Variants in TNFSF12 observed in about 807,000 individuals in gnomAD.
The protein encoded by TNFSF12 is TNF superfamily member 12.
Under a neutral mutation model 31.2 loss-of-function variants are expected in TNFSF12, and 16 were observed. The ratio of observed to expected loss-of-function variants is 0.51; its 90% CI spans 0.35 to 0.78. TNFSF12 has a LOEUF of 0.78. Among genes scored for constraint, TNFSF12 ranks in the 30% least tolerant of loss-of-function variants. The probability of loss-of-function intolerance (pLI) is 0.01; values close to 1 mark genes in which losing one functional copy is unlikely to be tolerated. For synonymous variants in TNFSF12, 150 were observed against 151.4 expected, an observed-to-expected ratio of 0.99 and a Z score of 0.07; for missense variants, 324 against 338.8, an observed-to-expected ratio of 0.96 and a Z score of 0.34.
intron 5 of TNFSF12, chr17:7,553,822 C>G: frequency 8.9e-7 from 1 of 1,128,394 alleles, no homozygotes; most frequent in Non-Finnish European, 1.1e-6. Flanking sequence ...GAACAAGAGA[C>G]CAGGTGGGTT....
chr17:7,549,666 T>C lies in TNFSF12; in HGVS notation c.207+145T>C. The C allele has an allele frequency of 7.8e-7, 1 of 1,280,662 alleles. No individual in the cohort carries two copies. Among genetic ancestry groups the C allele is most frequent in the Non-Finnish European group, 1.0e-6 (1 of 964,384 alleles). 79.3% of individuals were successfully genotyped at this position (1,280,662 alleles called of 1,614,324 possible). A position where few individuals can be genotyped will look rare whatever the true frequency, so the allele number is the denominator to read the frequency against. The stretch of plus-strand genomic sequence containing the variant: ...CACAGTGCGTGCATGGGTGCGTGTC[T>C]GCAGGGGTGTGTGTGCGTGGTGACA... On this transcript the variant is annotated intron_variant, in intron 2 of 6. Coordinates refer to ENST00000293825, the MANE Select transcript of TNFSF12 (RefSeq NM_003809.3). This position sits in a 1 kb window ranked among gnomAD's most constrained non-coding sequence, Gnocchi z 4.1.
In TNFSF12 at chr17:7,555,579, T is replaced by C. The variant is rs1397012544; in HGVS notation, c.374-1199T>C. 2.0e-5 allele frequency among the ~76,000 whole-genome samples: 3 copies of C among 152,056 alleles called. No individual in the cohort carries two copies. In the East Asian group the frequency reaches 5.8e-4, roughly 29 times the overall value. ...CATCTTAGAGACTCATTCTGTGGCT[T>C]TGTGTAGGGAATAAACTGGAGGAAG... On this transcript the variant is annotated intron_variant, in intron 5 of 6. Transcript: ENST00000293825.
Position 7,549,075 on chromosome 17 carries a change from CG to C in TNFSF12, c.-78del, listed in dbSNP as rs1597822281. 19 of 1,204,106 alleles carry C rather than the reference CG, an allele frequency of 1.6e-5. No homozygotes were observed. The highest frequency in any genetic ancestry group is 1.9e-5 in the Non-Finnish European group (18 of 964,078). 74.6% of individuals were successfully genotyped at this position (1,204,106 alleles called of 1,614,324 possible). A position where few individuals can be genotyped will look rare whatever the true frequency, so the allele number is the denominator to read the frequency against. On this transcript the variant is annotated 5_prime_UTR_variant, in exon 1 of 7. Coordinates refer to ENST00000293825, the MANE Select transcript of TNFSF12 (RefSeq NM_003809.3). This position sits in a 1 kb window ranked among gnomAD's most constrained non-coding sequence, Gnocchi z 4.1. ...GCCCCTCCCTCTCCCCGGCCCGATC[CG>C]CCCGCCGGCTCCCCCTCCCCCGATC...
In TNFSF12 at chr17:7,550,482, A is replaced by C. The variant is rs1389769212; in HGVS notation, c.283+287A>C. Among the ~76,000 whole-genome samples, 1 of 152,122 alleles carries C rather than the reference A, an allele frequency of 6.6e-6. No homozygotes were observed. Among genetic ancestry groups the C allele is most frequent in the Non-Finnish European group, 1.5e-5 (1 of 68,026 alleles). ...GTCAGAGGCCTGGGCCCCGGTAGGC[A>C]AAGAGACTTAGGAATGGGATGATGG... On this transcript the variant is annotated intron_variant, in intron 3 of 6. Coordinates refer to ENST00000293825, the MANE Select transcript of TNFSF12 (RefSeq NM_003809.3). This position sits in a 1 kb window ranked among gnomAD's most constrained non-coding sequence, Gnocchi z 4.4.
In TNFSF12 at chr17:7,550,086, A is replaced by C; in HGVS notation, c.208-34A>C. ...GTATGTCTCACTTTATATCTCTGGGAGTCTGTGGTTGAACCCTGCCCTAAT... is the reference window on the plus strand; with the variant it reads ...GTATGTCTCACTTTATATCTCTGGGCGTCTGTGGTTGAACCCTGCCCTAAT... On this transcript the variant is annotated intron_variant, in intron 2 of 6. Transcript: ENST00000293825. The surrounding 1 kb of genome is among the most constrained non-coding windows in gnomAD (Gnocchi z 4.4). 1 of 1,613,890 alleles carries C rather than the reference A, an allele frequency of 6.2e-7. No homozygotes were observed. The highest frequency in any genetic ancestry group is 8.5e-7 in the Non-Finnish European group (1 of 1,179,942).
At chr17:7,554,622 C>T (rs1417610323) in intron 5 of TNFSF12, among the ~76,000 whole-genome samples, 1 of 135,786 alleles carries the variant, frequency 7.4e-6, no homozygotes, top group Non-Finnish European at 1.6e-5. Context: ...GCCGGTCAGA[C>T]CCATTTTTTT....
In TNFSF12 at chr17:7,549,900, G is replaced by T; in HGVS notation, c.208-220G>T. 1 of 652,782 alleles carries T rather than the reference G, an allele frequency of 1.5e-6. No homozygotes were observed. The highest frequency in any genetic ancestry group is 2.6e-6 in the Non-Finnish European group (1 of 381,964). The allele number at this position is 652,782 out of a possible 1,614,324, so 40.4% of individuals were successfully genotyped here. The stretch of plus-strand genomic sequence containing the variant: ...TGCAGGGTCTGCGTTGGTTGTGTGT[G>T]TGGGTGGGAAAGTGTAGCTGGTCTA... On this transcript the variant is annotated intron_variant, in intron 2 of 6. Transcript: ENST00000293825. This position sits in a 1 kb window ranked among gnomAD's most constrained non-coding sequence, Gnocchi z 4.1.
intron 5 of TNFSF12, 32 bp from the exon 6 acceptor site, chr17:7,556,746 A>T (rs2071073136): frequency 6.7e-7 from 1 of 1,481,744 alleles, no homozygotes; most frequent in Admixed American, 2.5e-5. Context: ...CTGTAGAGAG[A>T]CGTTTCCTTA....
At position 7,550,765 on chromosome 17, in the gene TNFSF12, C is replaced by T; in HGVS notation, c.284-34C>T. ...GTTGCTCTGGGACCCCCACTAGGGCCCGCTTTGCTCATCTGTCTTTCCTTG... is the reference window on the plus strand; with the variant it reads ...GTTGCTCTGGGACCCCCACTAGGGCTCGCTTTGCTCATCTGTCTTTCCTTG... On this transcript the variant is annotated intron_variant, in intron 3 of 6. Coordinates refer to ENST00000293825, the MANE Select transcript of TNFSF12 (RefSeq NM_003809.3). The surrounding 1 kb of genome is among the most constrained non-coding windows in gnomAD (Gnocchi z 4.4). The T allele has an allele frequency of 1.9e-6, 3 of 1,596,758 alleles. No homozygotes were observed. Among genetic ancestry groups the T allele is most frequent in the Non-Finnish European group, 2.6e-6 (3 of 1,166,020 alleles).
chr17:7,555,715 A>G (rs1487124314), intron 5 of TNFSF12, among the ~76,000 whole-genome samples: 1 of 152,140 alleles, frequency 6.6e-6, no homozygotes, highest in African/African-American at 2.4e-5. Flanking sequence ...TGATCGATTA[A>G]TGATGTAGGT....
At position 7,549,319 on chromosome 17, in the gene TNFSF12, C is replaced by T. The variant is rs535840017; in HGVS notation, c.159+7C>T. 7.2e-7 allele frequency: 1 copy of T among 1,398,022 alleles called. No individual in the cohort carries two copies. The highest frequency in any genetic ancestry group is 2.8e-5 in the East Asian group (1 of 35,996). The allele number at this position is 1,398,022 out of a possible 1,614,324, so 86.6% of individuals were successfully genotyped here. Reference sequence around the variant, plus strand: ...GGCATCGCTGTCCGCCCAGGTGAGGCCCCGCTGCGCACCCCTTCTTGGGCA... The same window carrying T: ...GGCATCGCTGTCCGCCCAGGTGAGGTCCCGCTGCGCACCCCTTCTTGGGCA... On this transcript the variant is annotated splice_region_variant and intron_variant, in intron 1 of 6. Transcript: ENST00000293825. The surrounding 1 kb of genome is among the most constrained non-coding windows in gnomAD (Gnocchi z 4.1).
intron 5 of TNFSF12, among the ~76,000 whole-genome samples, chr17:7,555,972 C>CTTTTTTTTTTTTTT (rs1567722150): frequency 6.9e-5 from 1 of 14,574 alleles, no homozygotes; most frequent in African/African-American, 1.1e-4. Context: ...GCCCAGTGAG[C>CTTTTTTTTTTTTTT]GTTTTTTTTG....
Position 7,549,366 on chromosome 17 carries a change from A to G in TNFSF12, c.159+54A>G. 2.8e-6 allele frequency: 4 copies of G among 1,417,560 alleles called. No homozygotes were observed. Among genetic ancestry groups the G allele is most frequent in the South Asian group, 1.5e-5 (1 of 65,180 alleles). The allele number at this position is 1,417,560 out of a possible 1,614,324, so 87.8% of individuals were successfully genotyped here. ...GGCACATCAGGAGCTGAGACTGCAG[A>G]GGGGCCGCTGGGGGCCGCGTGGGCT... On this transcript the variant is annotated intron_variant, in intron 1 of 6. Transcript: ENST00000293825. The surrounding 1 kb of genome is among the most constrained non-coding windows in gnomAD (Gnocchi z 4.1).
chr17:7,552,430 C>T (rs1443658483), intron 5 of TNFSF12, among the ~76,000 whole-genome samples: 1 of 150,788 alleles, frequency 6.6e-6, no homozygotes, highest in Non-Finnish European at 1.5e-5. Flanking sequence ...TGGGTCCAAG[C>T]GATTCTCCTG....
chr17:7,549,912 G>T lies in TNFSF12; in HGVS notation c.208-208G>T. 4.4e-6 allele frequency: 3 copies of T among 676,236 alleles called. No individual in the cohort carries two copies. The highest frequency in any genetic ancestry group is 5.0e-6 in the Non-Finnish European group (2 of 401,952). 41.9% of individuals were successfully genotyped at this position (676,236 alleles called of 1,614,324 possible). A position where few individuals can be genotyped will look rare whatever the true frequency, so the allele number is the denominator to read the frequency against. ...GTTGGTTGTGTGTGTGGGTGGGAAAGTGTAGCTGGTCTAGAGGAAAGGGTG... is the reference window on the plus strand; with the variant it reads ...GTTGGTTGTGTGTGTGGGTGGGAAATTGTAGCTGGTCTAGAGGAAAGGGTG... On this transcript the variant is annotated intron_variant, in intron 2 of 6. Transcript: ENST00000293825. The surrounding 1 kb of genome is among the most constrained non-coding windows in gnomAD (Gnocchi z 4.1).
At chr17:7,553,891 G>T in intron 5 of TNFSF12, 1 of 1,039,976 alleles carries the variant, frequency 9.6e-7, no homozygotes, top group Non-Finnish European at 1.2e-6. Context: ...AGGTCCTCTG[G>T]ACAACTAGGG....
chr17:7,552,222 A>G (rs942105923), intron 5 of TNFSF12, among the ~76,000 whole-genome samples: 3 of 152,216 alleles, frequency 2.0e-5, no homozygotes, highest in African/African-American at 7.2e-5. Context: ...AAACAAGCGG[A>G]TAAATGACAA....
Position 7,557,261 on chromosome 17 carries a change from G to A in TNFSF12, c.661G>A (p.Gly221Arg). 6.2e-7 allele frequency: 1 copy of A among 1,613,838 alleles called. No homozygotes were observed. Among genetic ancestry groups the A allele is most frequent in the Non-Finnish European group, 8.5e-7 (1 of 1,179,988 alleles). The change falls in exon 7 of 7, where the codon GGG (glycine) becomes AGG (arginine). Residue 221 changes from glycine to arginine, a missense_variant. Gly to Arg is a moderately radical substitution (Grantham distance 125, BLOSUM62 -2). Transcript: ENST00000293825. The surrounding 1 kb of genome is among the most constrained non-coding windows in gnomAD (Gnocchi z 5.2). ...GTCTGGGCTGTTGGCCCTGCGGCCA[G>A]GGTCCTCCCTGCGGATCCGCACCCT... ...QVSGLLALRP[G>R]SSLRIRTLPW...
chr17:7,552,832 G>A (rs1156906768), intron 5 of TNFSF12, among the ~76,000 whole-genome samples: 1 of 152,106 alleles, frequency 6.6e-6, no homozygotes, highest in East Asian at 1.9e-4. Flanking sequence ...CAAGGAGGAT[G>A]TGGCTGTCTG....
Sources: allele counts gnomAD v4.1 joint callset (sites outside exome capture counted in the v4.1 genomes callset), GRCh38; gene constraint gnomAD v4.1.1; non-coding constraint Gnocchi (gnomAD v3.1); transcripts MANE v1.5; gene names NCBI Gene and HGNC (gene_info 2026-07-23, HGNC 2026-07-21).